The following DLG2 variants were observed in gnomAD, a reference collection of about 807,000 sequenced individuals.
The protein encoded by DLG2 is discs large MAGUK scaffold protein 2.
Under a neutral mutation model 132.5 loss-of-function variants are expected in DLG2, and 45 were observed. The observed-to-expected ratio is 0.34, with a 90% confidence interval of 0.27 to 0.44. DLG2 has a LOEUF of 0.44. DLG2 is among the 20% of genes least tolerant of loss of function. The probability of loss-of-function intolerance (pLI) is 1.00; values close to 1 mark genes in which losing one functional copy is unlikely to be tolerated. For missense variants in DLG2, 1,045 were observed against 1,196.9 expected (o/e 0.87, Z 1.87); for synonymous variants, 424 against 419.6 (o/e 1.01, Z -0.13).
rs534718584 is a variant in DLG2, at chr11:84,001,692, T to A, written c.920-21050A>T. 2.0e-5 allele frequency among the ~76,000 whole-genome samples: 3 copies of A among 152,186 alleles called. No individual in the cohort carries two copies. The South Asian group carries it at 6.2e-4, about 32-fold the overall frequency. ...TATCCAGGATAGTAGATATGTCAGG[T>A]CACAAAACAAGTCTCAACAACTTAA... On this transcript the variant is annotated intron_variant, in intron 11 of 27. Coordinates refer to ENST00000376104, the MANE Select transcript of DLG2 (RefSeq NM_001142699.3).
At chr11:84,506,813 T>G (rs1341159343) in intron 7 of DLG2, among the ~76,000 whole-genome samples, 1 of 152,178 alleles carries the variant, frequency 6.6e-6, no homozygotes, top group Non-Finnish European at 1.5e-5. Context: ...AAGAATTTGT[T>G]GGAACCTCAA....
intron 7 of DLG2, among the ~76,000 whole-genome samples, chr11:84,367,011 A>G (rs1281735895): frequency 1.3e-5 from 2 of 152,056 alleles, no homozygotes; most frequent in African/African-American, 4.8e-5. Context: ...CAGAATATAC[A>G]TTTTTTTCAG....
chr11:84,633,267 C>T (rs1433999277), intron 6 of DLG2, among the ~76,000 whole-genome samples: 4 of 152,160 alleles, frequency 2.6e-5, no homozygotes, highest in Non-Finnish European at 5.9e-5. Context: ...TCCTACCTTT[C>T]CCAACAAAAT....
intron 7 of DLG2, among the ~76,000 whole-genome samples, chr11:84,326,289 T>G (rs1010519953): frequency 1.3e-5 from 2 of 152,122 alleles, no homozygotes; most frequent in African/African-American, 4.8e-5. Flanking sequence ...TTTGTCTTCC[T>G]TTTTCCAGTT....
chr11:85,268,149 C>G (rs1199689963), intron 4 of DLG2, among the ~76,000 whole-genome samples: 3 of 152,144 alleles, frequency 2.0e-5, no homozygotes, highest in Admixed American at 2.0e-4. Context: ...TTTACTGACA[C>G]GTTCTTCATG....
At chr11:85,168,592 A>G (rs1212668682) in intron 4 of DLG2, among the ~76,000 whole-genome samples, 1 of 152,154 alleles carries the variant, frequency 6.6e-6, no homozygotes, top group East Asian at 1.9e-4. Flanking sequence ...GAGAAATGAT[A>G]GGGAAGAGTA....
At position 83,509,064 on chromosome 11, in the gene DLG2, G is replaced by A. The variant is rs531620880; in HGVS notation, c.2193+23644C>T. The stretch of plus-strand genomic sequence containing the variant: ...TTCAAATGTAGTCACGTGATGTTAC[G>A]GGGTGAGGCCAGTGTGGTTATATGC... On this transcript the variant is annotated intron_variant, in intron 21 of 27. Coordinates refer to ENST00000376104, the MANE Select transcript of DLG2 (RefSeq NM_001142699.3). Among the ~76,000 whole-genome samples the A allele has an allele frequency of 2.6e-5, 4 of 152,310 alleles. No homozygotes were observed. The East Asian group carries it at 5.8e-4, about 22-fold the overall frequency.
At chr11:83,771,852 G>A (rs1001395562) in intron 18 of DLG2, among the ~76,000 whole-genome samples, 3 of 151,986 alleles carry the variant, frequency 2.0e-5, no homozygotes, top group Non-Finnish European at 2.9e-5. Context: ...TAATGAAAAC[G>A]GATTATAAAT....
chr11:83,836,812 A>G (rs2056295566), intron 16 of DLG2, among the ~76,000 whole-genome samples: 1 of 152,170 alleles, frequency 6.6e-6, no homozygotes, highest in African/African-American at 2.4e-5. Flanking sequence ...CTGTGAGGAA[A>G]TGAATTGACC....
intron 21 of DLG2, among the ~76,000 whole-genome samples, chr11:83,506,483 C>A (rs780771631): frequency 6.6e-6 from 1 of 152,140 alleles, no homozygotes; most frequent in Non-Finnish European, 1.5e-5. Flanking sequence ...AGGCACCAGC[C>A]AGAAGTTTAG....
At chr11:85,475,307 A>T (rs527961093) in intron 3 of DLG2, among the ~76,000 whole-genome samples, 2 of 152,082 alleles carry the variant, frequency 1.3e-5, no homozygotes, top group East Asian at 3.9e-4. Flanking sequence ...AAAACTAAAA[A>T]ATTAATCTCT....
chr11:84,479,009 A>G (rs867201207), intron 7 of DLG2, among the ~76,000 whole-genome samples: 15 of 152,102 alleles, frequency 9.9e-5, no homozygotes, highest in African/African-American at 2.9e-4. Flanking sequence ...TTAGTCCATT[A>G]TAATTCTAAG....
intron 3 of DLG2, among the ~76,000 whole-genome samples, chr11:85,312,835 A>T: frequency 6.6e-6 from 1 of 151,984 alleles, no homozygotes; most frequent in Middle Eastern, 3.2e-3. Flanking sequence ...AAATTGATGG[A>T]TGTGGCTTTG....
intron 5 of DLG2, among the ~76,000 whole-genome samples, chr11:85,120,403 T>G (rs2074158813): frequency 1.3e-5 from 2 of 152,004 alleles, no homozygotes; most frequent in East Asian, 3.8e-4. Flanking sequence ...TTTAAGAGAC[T>G]TGCAAGAAAA....
chr11:85,412,749 A>ACACT (rs1317726062), intron 3 of DLG2, among the ~76,000 whole-genome samples: 132 of 136,118 alleles, frequency 9.7e-4, no homozygotes, highest in Admixed American at 6.3e-3. Flanking sequence ...ACACACACAC[A>ACACT]CACACACACA....
chr11:84,616,757 A>C (rs1201092568), intron 6 of DLG2, among the ~76,000 whole-genome samples: 2 of 152,120 alleles, frequency 1.3e-5, no homozygotes, highest in East Asian at 1.9e-4. Flanking sequence ...AGACAAATGA[A>C]ATCACTTTTG....
chr11:84,289,910 C>A (rs1031531710), intron 7 of DLG2, among the ~76,000 whole-genome samples: 3 of 152,010 alleles, frequency 2.0e-5, no homozygotes, highest in African/African-American at 7.2e-5. Flanking sequence ...TGGTCAGGCC[C>A]CTCAAAGTAG....
At chr11:85,604,382 A>C (rs1190522113) in intron 2 of DLG2, among the ~76,000 whole-genome samples, 2 of 152,228 alleles carry the variant, frequency 1.3e-5, no homozygotes, top group African/African-American at 4.8e-5. Flanking sequence ...TGAAAGTTTG[A>C]AGGTAATCTA....
chr11:84,502,160 T>TCCTTCCTGTC lies in DLG2; in HGVS notation c.519+32409_519+32410insGACAGGAAGG, dbSNP rs151187364. Among the ~76,000 whole-genome samples, 21 of 41,270 alleles carry TCCTTCCTGTC rather than the reference T, an allele frequency of 5.1e-4. 3 individuals are homozygous for TCCTTCCTGTC. The highest frequency in any genetic ancestry group is 4.0e-3 in the African/African-American group (15 of 3,710). The allele number at this position is 41,270 out of a possible 152,430, so 27.1% of individuals were successfully genotyped here. ...TCCTTTCTTTCCTTCCTTCCTTCCT[T>TCCTTCCTGTC]TCTCTCTCTCTCTCTTTCTCTCTCT... On this transcript the variant is annotated intron_variant, in intron 7 of 27. Coordinates refer to ENST00000376104, the MANE Select transcript of DLG2 (RefSeq NM_001142699.3).
Sources: allele counts gnomAD v4.1 joint callset (sites outside exome capture counted in the v4.1 genomes callset), GRCh38; gene constraint gnomAD v4.1.1; transcripts MANE v1.5; gene names NCBI Gene and HGNC (gene_info 2026-07-23, HGNC 2026-07-21).